Variants in LMOD1 observed in about 807,000 individuals in gnomAD.
LMOD1 encodes the protein leiomodin 1, also known as leiomodin-1.
A neutral mutation model predicts 36.5 loss-of-function variants in LMOD1; 8 were observed. The ratio of observed to expected loss-of-function variants is 0.22; its 90% CI spans 0.13 to 0.40. The LOEUF is 0.40. LMOD1 is among the 10% of genes least tolerant of loss of function. The pLI is 1.00. For missense variants in LMOD1, 630 were observed against 751.1 expected (o/e 0.84, Z 1.88); for synonymous variants, 284 against 288.7 (o/e 0.98, Z 0.17).
intron 1 of LMOD1, among the ~76,000 whole-genome samples, chr1:201,942,194 C>A (rs1682128597): frequency 1.3e-5 from 2 of 152,216 alleles, no homozygotes; most frequent in African/African-American, 4.8e-5. Context: ...ATTCACTCAA[C>A]AAACAGAGGC....
At position 201,899,325 on chromosome 1, in the gene LMOD1, C is replaced by T. The variant is rs1681248004; in HGVS notation, c.1688G>A (p.Gly563Glu). Residue 563 changes from glycine (G) to glutamate (E), a missense_variant, in exon 2 of 3, where the codon GGA becomes GAA. By Grantham distance (98) the Gly-to-Glu change is moderately conservative. Coordinates refer to ENST00000367288, the MANE Select transcript of LMOD1 (RefSeq NM_012134.3). This position sits in a 1 kb window ranked among gnomAD's most constrained non-coding sequence, Gnocchi z 6.3. The part of the protein sequence containing the change: ...SLSPATQRKM[G>E]DKVLPAQEKN... ...CTCCTGGGCAGGGAGGACTTTGTCT[C>T]CCATCTTCCTCTGGGTAGCTGGTGA... The T allele has an allele frequency of 1.2e-6, 2 of 1,611,832 alleles. No homozygotes were observed. Among genetic ancestry groups the T allele is most frequent in the South Asian group, 1.1e-5 (1 of 90,528 alleles).
intron 1 of LMOD1, among the ~76,000 whole-genome samples, chr1:201,910,992 C>A (rs1681487890): frequency 6.6e-6 from 1 of 151,994 alleles, no homozygotes; most frequent in Admixed American, 6.6e-5. Flanking sequence ...TGGGTTATAG[C>A]ACATATACTC....
At chr1:201,916,419 T>C (rs1434124349) in intron 1 of LMOD1, among the ~76,000 whole-genome samples, 1 of 151,692 alleles carries the variant, frequency 6.6e-6, no homozygotes, top group Non-Finnish European at 1.5e-5. Context: ...GAGGCTGAGG[T>C]GAGAGGATCA....
At chr1:201,915,234 C>T (rs1260160812) in intron 1 of LMOD1, among the ~76,000 whole-genome samples, 1 of 133,202 alleles carries the variant, frequency 7.5e-6, no homozygotes, top group Admixed American at 8.1e-5. Flanking sequence ...CTTCAAGGAC[C>T]CTCTTCCTTG....
rs185985618 is a variant in LMOD1, at chr1:201,938,160, G to A, written c.261+7920C>T. Among the ~76,000 whole-genome samples, 747 of 142,474 alleles carry A rather than the reference G, an allele frequency of 5.2e-3. 4 individuals are homozygous for A. Among genetic ancestry groups the A allele is most frequent in the Non-Finnish European group, 8.9e-3 (593 of 66,410 alleles). The allele number at this position is 142,474 out of a possible 152,430, so 93.5% of individuals were successfully genotyped here. ...TTTTTTTTTTTTGAGATGGAGTTTC[G>A]CTCTTGTTGCCGAGGCTGGAGTGCA... On this transcript the variant is annotated intron_variant, in intron 1 of 2. Coordinates refer to ENST00000367288, the MANE Select transcript of LMOD1 (RefSeq NM_012134.3).
At chr1:201,945,143 C>T (rs1682181903) in intron 1 of LMOD1, among the ~76,000 whole-genome samples, 1 of 152,148 alleles carries the variant, frequency 6.6e-6, no homozygotes, top group Admixed American at 6.5e-5. Context: ...ACAAAGGTAT[C>T]CCACAAAGTC....
intron 1 of LMOD1, among the ~76,000 whole-genome samples, chr1:201,904,879 C>G (rs972983645): frequency 6.6e-6 from 1 of 152,158 alleles, no homozygotes; most frequent in African/African-American, 2.4e-5. Context: ...TCCTCGGAGC[C>G]GGCACATAGC....
chr1:201,945,732 T>G (rs990449962), intron 1 of LMOD1, among the ~76,000 whole-genome samples: 1 of 152,110 alleles, frequency 6.6e-6, no homozygotes, highest in African/African-American at 2.4e-5. Context: ...CTCCTCACAA[T>G]AGGATGGAAT....
chr1:201,913,473 G>A (rs1323971951), intron 1 of LMOD1, among the ~76,000 whole-genome samples: 2 of 152,202 alleles, frequency 1.3e-5, no homozygotes, highest in Non-Finnish European at 2.9e-5. Flanking sequence ...CGGGCATGGT[G>A]GTCAGCACCT....
intron 1 of LMOD1, among the ~76,000 whole-genome samples, chr1:201,919,498 C>G (rs925771317): frequency 3.9e-5 from 6 of 152,248 alleles, no homozygotes; most frequent in Non-Finnish European, 7.3e-5. Flanking sequence ...GCCACCACGC[C>G]TGGCCCCTTT....
chr1:201,908,704 C>T (rs1187777740), intron 1 of LMOD1, among the ~76,000 whole-genome samples: 2 of 152,122 alleles, frequency 1.3e-5, no homozygotes, highest in African/African-American at 4.8e-5. Context: ...AGAGTAAGAA[C>T]ACTCAGCAAG....
chr1:201,937,885 C>A (rs1160491327), intron 1 of LMOD1, among the ~76,000 whole-genome samples: 5 of 152,156 alleles, frequency 3.3e-5, no homozygotes, highest in South Asian at 2.1e-4. Context: ...AAAGAGCTGG[C>A]AAATTAATGA....
chr1:201,946,209 A>G lies in LMOD1; in HGVS notation c.132T>C (p.Ser44=). Residue 44 remains serine (S), a synonymous_variant, in exon 1 of 3, where the codon AGT becomes AGC. Transcript: ENST00000367288. Reference sequence around the variant, plus strand: ...TTCTCTGCCGCAGCCCCACGGGAACACTCCCGTCTGGGTCCACCACGTCCA... The same window carrying G: ...TTCTCTGCCGCAGCCCCACGGGAACGCTCCCGTCTGGGTCCACCACGTCCA... ...KELDVVDPDG[S]VPVGLRQRNQ... The G allele has an allele frequency of 6.2e-7, 1 of 1,613,248 alleles. No homozygotes were observed. Among genetic ancestry groups the G allele is most frequent in the African/African-American group, 1.3e-5 (1 of 74,724 alleles).
At chr1:201,915,072 C>T (rs1346146188) in intron 1 of LMOD1, among the ~76,000 whole-genome samples, 1 of 152,154 alleles carries the variant, frequency 6.6e-6, no homozygotes, top group East Asian at 1.9e-4. Context: ...GTCACTAAGT[C>T]GGATTTATCT....
chr1:201,941,904 C>G (rs550105827), intron 1 of LMOD1, among the ~76,000 whole-genome samples: 2 of 152,168 alleles, frequency 1.3e-5, no homozygotes, highest in Non-Finnish European at 2.9e-5. Flanking sequence ...GAGGGGGAGG[C>G]AGGCTGGAGA....
At chr1:201,933,984 C>T (rs935505633) in intron 1 of LMOD1, among the ~76,000 whole-genome samples, 1 of 152,110 alleles carries the variant, frequency 6.6e-6, no homozygotes, top group Non-Finnish European at 1.5e-5. Context: ...AGTGCTTGTC[C>T]CACCACGCCA....
intron 1 of LMOD1, among the ~76,000 whole-genome samples, chr1:201,938,026 T>C (rs886591270): frequency 1.3e-5 from 2 of 152,118 alleles, no homozygotes; most frequent in African/African-American, 4.8e-5. Context: ...CTAATGTTCA[T>C]GGGCCTTTAC....
chr1:201,924,725 G>GAAAGAAAGA (rs1553297969), intron 1 of LMOD1, among the ~76,000 whole-genome samples: 3 of 128,820 alleles, frequency 2.3e-5, no homozygotes, highest in East Asian at 2.2e-4. Flanking sequence ...AAGAAAGAAA[G>GAAAGAAAGA]AAAGAAAAGA....
intron 1 of LMOD1, among the ~76,000 whole-genome samples, chr1:201,904,601 C>T (rs1299202660): frequency 1.3e-5 from 2 of 152,218 alleles, no homozygotes; most frequent in African/African-American, 4.8e-5. Flanking sequence ...TTCCTAGTTA[C>T]CTCCCCTACC....
Sources: allele counts gnomAD v4.1 joint callset (sites outside exome capture counted in the v4.1 genomes callset), GRCh38; gene constraint gnomAD v4.1.1; non-coding constraint Gnocchi (gnomAD v3.1); transcripts MANE v1.5; gene names NCBI Gene and HGNC (gene_info 2026-07-23, HGNC 2026-07-21).